Variants in CELF1 observed in about 807,000 individuals in gnomAD.
The protein encoded by CELF1 is 50 kDa nuclear polyadenylated RNA-binding protein.
A neutral mutation model predicts 61.8 loss-of-function variants in CELF1; 10 were observed. The ratio of observed to expected loss-of-function variants is 0.16; its 90% CI spans 0.10 to 0.27. The LOEUF (loss-of-function observed/expected upper bound fraction) is 0.27. Ranked by LOEUF, CELF1 falls within the 10% of genes least tolerant of loss-of-function variation. The probability of loss-of-function intolerance (pLI) is 1.00; values close to 1 mark genes in which losing one functional copy is unlikely to be tolerated. For missense variants in CELF1, 380 were observed against 639.1 expected (o/e 0.59, Z 4.37); for synonymous variants, 236 against 225.1 (o/e 1.05, Z -0.43).
At chr11:47,544,926 C>T (rs977494469) in intron 1 of CELF1, among the ~76,000 whole-genome samples, 1 of 152,036 alleles carries the variant, frequency 6.6e-6, no homozygotes, top group Non-Finnish European at 1.5e-5. Flanking sequence ...GGTGCCACTG[C>T]ACTCCAGCCT....
chr11:47,517,923 G>C (rs925830230), intron 1 of CELF1, among the ~76,000 whole-genome samples: 1 of 152,078 alleles, frequency 6.6e-6, no homozygotes, highest in Non-Finnish European at 1.5e-5. Flanking sequence ...TTACAGGCAC[G>C]AGCCACTGTG....
chr11:47,500,747 C>T (rs2093794775), intron 2 of CELF1, 114 bp downstream of exon 2: 1 of 394,330 alleles, frequency 2.5e-6, no homozygotes, highest in Non-Finnish European at 4.5e-6. Context: ...CACATCCCCC[C>T]AAACAACAAA....
At chr11:47,528,435 T>A (rs550352628) in intron 1 of CELF1, among the ~76,000 whole-genome samples, 17 of 152,016 alleles carry the variant, frequency 1.1e-4, no homozygotes, top group Non-Finnish European at 1.8e-4. Flanking sequence ...TATACAGTTA[T>A]TCCATCTCAC....
chr11:47,551,558 T>A (rs2097137417), intron 1 of CELF1, among the ~76,000 whole-genome samples: 1 of 152,076 alleles, frequency 6.6e-6, no homozygotes, highest in African/African-American at 2.4e-5. Flanking sequence ...ACAGAAAGGG[T>A]GATTCTATAT....
At chr11:47,529,569 G>C (rs931121373) in intron 1 of CELF1, among the ~76,000 whole-genome samples, 6 of 152,054 alleles carry the variant, frequency 3.9e-5, no homozygotes, top group Admixed American at 3.3e-4. Flanking sequence ...TGAGGCAGGA[G>C]AATCATTTGA....
upstream of CELF1, chr11:47,565,531 G>A (rs1008286670): frequency 2.7e-6 from 3 of 1,115,038 alleles, no homozygotes; most frequent in Non-Finnish European, 3.4e-6. Flanking sequence ...GCCTAGTGCA[G>A]CTGGCAGCCC....
intron 12 of CELF1, 130 bp from the exon 13 acceptor site, chr11:47,475,651 C>T (rs2079691918): frequency 1.2e-6 from 1 of 853,490 alleles, no homozygotes; most frequent in Admixed American, 2.8e-5. Context: ...TAGTTTCTCC[C>T]TGAGAAGAAA....
intron 1 of CELF1, among the ~76,000 whole-genome samples, chr11:47,538,827 C>T (rs1479872659): frequency 2.0e-5 from 3 of 152,118 alleles, no homozygotes; most frequent in African/African-American, 7.2e-5. Context: ...CTCAGAGCTT[C>T]CCCCTCTCCC....
In CELF1 at chr11:47,547,065, CAAAAAAAAAA is replaced by C. The variant is rs61222771; in HGVS notation, c.-154+5917_-154+5926del. 7.0e-4 allele frequency among the ~76,000 whole-genome samples: 28 copies of C among 39,972 alleles called. No individual in the cohort carries two copies. In the East Asian group the frequency reaches 8.0e-3, roughly 11 times the overall value. The allele number at this position is 39,972 out of a possible 152,430, so 26.2% of individuals were successfully genotyped here. ...GGGCAACAAAAGCGAAACTCCACCTCAAAAAAAAAAAAAAAAAAAAAAAAAAAAGAAAGAA... is the reference window on the plus strand; with the variant it reads ...GGGCAACAAAAGCGAAACTCCACCTCAAAAAAAAAAAAAAAAAAGAAAGAA... On this transcript the variant is annotated intron_variant, in intron 1 of 14. Coordinates refer to ENST00000687097, the MANE Select transcript of CELF1 (RefSeq NM_001376376.1).
intron 2 of CELF1, chr11:47,564,201 C>G (rs1449740125): frequency 6.8e-6 from 1 of 147,582 alleles, no homozygotes; most frequent in Admixed American, 6.8e-5. Context: ...AAAAGAAAGC[C>G]GGGCGCGGTG....
At chr11:47,559,601 C>T (rs563187597) in intron 2 of CELF1, among the ~76,000 whole-genome samples, 1 of 152,270 alleles carries the variant, frequency 6.6e-6, no homozygotes, top group East Asian at 1.9e-4. Flanking sequence ...CATCCCACCT[C>T]AGGTAGATGT....
intron 9 of CELF1, 24 bp downstream of exon 9, chr11:47,482,671 A>C (rs1181344030): frequency 6.2e-7 from 1 of 1,606,518 alleles, no homozygotes; most frequent in Middle Eastern, 2.0e-4. Context: ...CACAGTCTGC[A>C]GAAAGCAAAC....
chr11:47,472,321 G>T lies in CELF1; in HGVS notation c.1454C>A (p.Ala485Asp). 1 of 1,614,170 alleles carries T rather than the reference G, an allele frequency of 6.2e-7. No individual in the cohort carries two copies. The highest frequency in any genetic ancestry group is 8.5e-7 in the Non-Finnish European group (1 of 1,180,016). ...VSYDNPVSAQ[A>D]AIQSMNGFQI... is the part of the protein sequence containing the mutation. ...AAAGCCGTTCATGGACTGGATGGCA[G>T]CTTGGGCCGAAACAGGATTGTCGTA... The change falls in exon 15 of 15, where the codon GCT becomes GAT. Residue 485 changes from alanine to aspartate, a missense_variant. Coordinates refer to ENST00000687097, the MANE Select transcript of CELF1 (RefSeq NM_001376376.1).
intron 1 of CELF1, among the ~76,000 whole-genome samples, chr11:47,550,248 A>C (rs1434693354): frequency 2.0e-5 from 3 of 152,030 alleles, no homozygotes; most frequent in African/African-American, 7.2e-5. Context: ...ACAAAAAAAA[A>C]CACCGGGTAC....
chr11:47,527,613 T>C (rs1003100843), intron 1 of CELF1, among the ~76,000 whole-genome samples: 1 of 152,204 alleles, frequency 6.6e-6, no homozygotes, highest in Non-Finnish European at 1.5e-5. Context: ...ATTCATTGTA[T>C]ATACTGACTT....
chr11:47,480,094 T>A lies in CELF1; in HGVS notation c.769-1142A>T, dbSNP rs968965538. ...CACTAGCACCCACGTCTACACTTTT[T>A]TTTTTTTTTTTTTGAGACGGAGTCT... is the stretch of plus-strand genomic sequence containing the variant. On this transcript the variant is annotated intron_variant, in intron 9 of 14. Coordinates refer to ENST00000687097, the MANE Select transcript of CELF1 (RefSeq NM_001376376.1). 2.0e-5 allele frequency among the ~76,000 whole-genome samples: 3 copies of A among 151,560 alleles called. No homozygotes were observed. In the South Asian group the frequency reaches 6.3e-4, roughly 32 times the overall value.
chr11:47,486,654 T>C (rs931370488), intron 6 of CELF1, 96 bp downstream of exon 6: 2 of 947,662 alleles, frequency 2.1e-6, no homozygotes, highest in East Asian at 4.8e-5. Context: ...GCAATCCATC[T>C]GTCTTGGCCT....
At chr11:47,550,457 G>T (rs2153770124) in intron 1 of CELF1, among the ~76,000 whole-genome samples, 1 of 152,238 alleles carries the variant, frequency 6.6e-6, no homozygotes, top group South Asian at 2.1e-4. Flanking sequence ...CTTGAGCCCG[G>T]GGGACAGGGT....
At chr11:47,478,279 A>G (rs748946757) in intron 10 of CELF1, among the ~76,000 whole-genome samples, 1 of 152,246 alleles carries the variant, frequency 6.6e-6, no homozygotes, top group East Asian at 1.9e-4. Context: ...CCTAAATCCA[A>G]TGCAGAGGGT....
Sources: allele counts gnomAD v4.1 joint callset (sites outside exome capture counted in the v4.1 genomes callset), GRCh38; gene constraint gnomAD v4.1.1; transcripts MANE v1.5; gene names NCBI Gene and HGNC (gene_info 2026-07-23, HGNC 2026-07-21).